MCF2L2: variants seen among roughly 807,000 people sequenced by gnomAD.
MCF2L2 encodes probable guanine nucleotide exchange factor MCF2L2.
MCF2L2 carries 102 observed loss-of-function variants against 150.2 expected under a neutral mutation model. The ratio of observed to expected loss-of-function variants is 0.68; its 90% CI spans 0.58 to 0.80. The LOEUF is 0.80. Among genes scored for constraint, MCF2L2 ranks in the 30% least tolerant of loss-of-function variants. MCF2L2 has a pLI of 0.00. For synonymous variants in MCF2L2, 465 were observed against 491.3 expected, an observed-to-expected ratio of 0.95 and a Z score of 0.71; for missense variants, 1,256 against 1,372.8, an observed-to-expected ratio of 0.91 and a Z score of 1.34.
intron 15 of MCF2L2, among the ~76,000 whole-genome samples, chr3:183,256,487 A>C (rs983686804): frequency 6.6e-6 from 1 of 152,206 alleles, no homozygotes; most frequent in African/African-American, 2.4e-5. Flanking sequence ...TAATTCTACA[A>C]ATTCAGTTGC....
At chr3:183,407,537 T>A (rs1577131608) in intron 1 of MCF2L2, among the ~76,000 whole-genome samples, 1 of 152,228 alleles carries the variant, frequency 6.6e-6, no homozygotes, top group East Asian at 1.9e-4. Context: ...TATCACATAA[T>A]GCTCATTCTC....
intron 3 of MCF2L2, among the ~76,000 whole-genome samples, chr3:183,371,802 A>G (rs1712901587): frequency 6.6e-6 from 1 of 151,712 alleles, no homozygotes; most frequent in Admixed American, 6.6e-5. Context: ...TACACAATAC[A>G]CAATTTACAT....
intron 3 of MCF2L2, among the ~76,000 whole-genome samples, chr3:183,345,485 C>T (rs565738566): frequency 6.6e-6 from 1 of 152,038 alleles, no homozygotes; most frequent in Non-Finnish European, 1.5e-5. Flanking sequence ...CTAAAATCAA[C>T]ACCCTAACAT....
At position 183,350,903 on chromosome 3, in the gene MCF2L2, CA is replaced by C. The variant is rs553499577; in HGVS notation, c.276-9274del. ...TGGGCGACAGAGCGAGACTCCGTCT[CA>C]AAAAAAAAAAAAAGAGTCATTAGAA... On this transcript the variant is annotated intron_variant, in intron 3 of 29. Coordinates refer to ENST00000328913, the MANE Select transcript of MCF2L2 (RefSeq NM_015078.4). Among the ~76,000 whole-genome samples the C allele has an allele frequency of 9.4e-3, 995 of 105,824 alleles. 4 individuals are homozygous for C. Among genetic ancestry groups the C allele is most frequent in the Non-Finnish European group, 0.013 (637 of 49,580 alleles). 69.4% of individuals were successfully genotyped at this position (105,824 alleles called of 152,430 possible).
chr3:183,381,607 T>C (rs1467774342), intron 2 of MCF2L2, among the ~76,000 whole-genome samples: 1 of 152,304 alleles, frequency 6.6e-6, no homozygotes, highest in African/African-American at 2.4e-5. Context: ...TTGTGAGTGT[T>C]GTTAATATGG....
intron 27 of MCF2L2, among the ~76,000 whole-genome samples, chr3:183,187,852 G>C (rs1367249261): frequency 2.0e-5 from 3 of 152,170 alleles, no homozygotes; most frequent in Non-Finnish European, 4.4e-5. Flanking sequence ...GGTCCTTACT[G>C]AATCTTACCT....
chr3:183,196,733 C>T (rs1722095325), intron 25 of MCF2L2, among the ~76,000 whole-genome samples: 1 of 152,186 alleles, frequency 6.6e-6, no homozygotes, highest in African/African-American at 2.4e-5. Context: ...TGACCCTCTG[C>T]TTGCACATCT....
At chr3:183,210,157 G>A (rs928319245) in intron 22 of MCF2L2, among the ~76,000 whole-genome samples, 6 of 152,080 alleles carry the variant, frequency 3.9e-5, no homozygotes, top group East Asian at 1.9e-4. Flanking sequence ...GCCTGTAGTC[G>A]CAACTACTTG....
At chr3:183,413,685 G>A (rs942654628) in intron 1 of MCF2L2, among the ~76,000 whole-genome samples, 1 of 152,214 alleles carries the variant, frequency 6.6e-6, no homozygotes, top group African/African-American at 2.4e-5. Context: ...TAGTCTGTAA[G>A]CAGGGCTGCC....
intron 10 of MCF2L2, among the ~76,000 whole-genome samples, chr3:183,301,014 CAAAAAAAAAA>C (rs11388183): frequency 1.5e-3 from 97 of 65,648 alleles, no homozygotes; most frequent in African/African-American, 4.0e-3. Flanking sequence ...GACTCCATCT[CAAAAAAAAAA>C]AAAAAAAAAA....
intron 15 of MCF2L2, among the ~76,000 whole-genome samples, chr3:183,243,242 A>G (rs1724108694): frequency 1.3e-5 from 2 of 152,112 alleles, no homozygotes; most frequent in Admixed American, 1.3e-4. Flanking sequence ...TTGAAATGTG[A>G]GGACATGAGA....
chr3:183,186,724 T>C (rs552878713), intron 27 of MCF2L2, among the ~76,000 whole-genome samples: 1 of 152,296 alleles, frequency 6.6e-6, no homozygotes, highest in Admixed American at 6.5e-5. Flanking sequence ...TGAAACTCCG[T>C]CTCAAAAGTT....
intron 1 of MCF2L2, among the ~76,000 whole-genome samples, chr3:183,414,749 CTG>C: frequency 6.6e-6 from 1 of 152,290 alleles, no homozygotes; most frequent in East Asian, 1.9e-4. Flanking sequence ...TTTGAGTATG[CTG>C]TGTCTTGATT....
chr3:183,205,106 C>T (rs577072674), intron 25 of MCF2L2, among the ~76,000 whole-genome samples: 2 of 152,252 alleles, frequency 1.3e-5, no homozygotes, highest in South Asian at 2.1e-4. Context: ...AACAGCTGGG[C>T]GCAGTGGCTC....
Position 183,230,975 on chromosome 3 carries a change from TA to T in MCF2L2, c.1904del (p.Ile635LysfsTer7). On this transcript the variant is annotated frameshift_variant, in exon 16 of 30. Coordinates refer to ENST00000328913, the MANE Select transcript of MCF2L2 (RefSeq NM_015078.4). LOFTEE classifies it high-confidence loss of function. ...CATCAATTATGCTTTTAATCTCTTTTATGTAAATCTCTTCAGTCTCAAGCAA... is the reference window on the plus strand; with the variant it reads ...CATCAATTATGCTTTTAATCTCTTTTTGTAAATCTCTTCAGTCTCAAGCAA... The part of the protein sequence containing the change: ...RDLLETEEIY[I>X]KEIKSIIDGY... The T allele has an allele frequency of 1.9e-6, 3 of 1,613,906 alleles. No homozygotes were observed. Among genetic ancestry groups the T allele is most frequent in the Non-Finnish European group, 2.5e-6 (3 of 1,179,842 alleles).
intron 4 of MCF2L2, 50 bp from the exon 5 acceptor site, chr3:183,338,969 C>T (rs756162346): frequency 1.5e-5 from 23 of 1,564,150 alleles, no homozygotes; most frequent in African/African-American, 5.4e-5. Context: ...ATGTCATATT[C>T]GTTACCAGGG....
Position 183,289,181 on chromosome 3 carries a change from T to C in MCF2L2, c.1715A>G (p.Tyr572Cys), listed in dbSNP as rs140073703. The change falls in exon 14 of 30, where the codon TAT (tyrosine) becomes TGT (cysteine). Residue 572 changes from tyrosine (Y) to cysteine (C), a missense_variant. Transcript: ENST00000328913. The stretch of plus-strand genomic sequence containing the variant: ...CCGGGAGTTCAACTCTGTCTCCGTA[T>C]AAGGTTCCTCAGACGTTCTCAGAGG... ...ARPLRTSEEP[Y>C]TETELNSRGK... 4.3e-6 allele frequency: 7 copies of C among 1,613,916 alleles called. No homozygotes were observed. In the African/African-American group the frequency reaches 9.3e-5, roughly 22 times the overall value.
intron 21 of MCF2L2, among the ~76,000 whole-genome samples, chr3:183,217,766 G>T (rs897493134): frequency 1.8e-4 from 28 of 152,094 alleles, no homozygotes; most frequent in African/African-American, 6.8e-4. Context: ...CATTAAAGAT[G>T]CCAAAGAGAT....
intron 27 of MCF2L2, among the ~76,000 whole-genome samples, chr3:183,191,838 ATTTAT>A (rs1437209281): frequency 1.3e-5 from 2 of 151,462 alleles, no homozygotes; most frequent in South Asian, 2.1e-4. Context: ...TTATTTATTT[ATTTAT>A]TTTATTTATT....
Sources: allele counts gnomAD v4.1 joint callset (sites outside exome capture counted in the v4.1 genomes callset), GRCh38; gene constraint gnomAD v4.1.1; transcripts MANE v1.5; gene names NCBI Gene and HGNC (gene_info 2026-07-23, HGNC 2026-07-21).